Variants in XRN2 observed in about 807,000 individuals in gnomAD.
The protein encoded by XRN2 is DHM1-like protein.
In XRN2, 44 loss-of-function variants were observed where a neutral mutation model predicts 138.5. The ratio of observed to expected loss-of-function variants is 0.32; its 90% CI spans 0.25 to 0.41. XRN2 has a LOEUF of 0.41. XRN2 is among the 10% of genes least tolerant of loss of function. The pLI, the probability that XRN2 is intolerant of heterozygous loss-of-function variation, is 1.00. For missense variants in XRN2, 937 were observed against 1,169.3 expected, an observed-to-expected ratio of 0.80 and a Z score of 2.90; for synonymous variants, 354 against 369.4, an observed-to-expected ratio of 0.96 and a Z score of 0.48.
At chr20:21,346,700 A>T in intron 17 of XRN2, 150 bp downstream of exon 17, 1 of 922,080 alleles carries the variant, frequency 1.1e-6, no homozygotes, top group Non-Finnish European at 1.6e-6. Context: ...ACTCACTGCG[A>T]CCTCTGCCTC....
chr20:21,349,517 T>A, intron 20 of XRN2, 56 bp downstream of exon 20: 1 of 1,298,394 alleles, frequency 7.7e-7, no homozygotes, highest in Non-Finnish European at 1.1e-6. Flanking sequence ...ATTTTTGAAA[T>A]GAAATAATTC....
intron 14 of XRN2, among the ~76,000 whole-genome samples, chr20:21,339,765 G>C (rs2038347503): frequency 6.6e-6 from 1 of 152,124 alleles, no homozygotes; most frequent in African/African-American, 2.4e-5. Flanking sequence ...TGCTTCCTAT[G>C]TCTGATACAT....
At position 21,339,074 on chromosome 20, in the gene XRN2, A is replaced by G; in HGVS notation, c.1264A>G (p.Arg422Gly). Reference sequence around the variant, plus strand: ...TTTTAGAAGACGACAGAAAGAAAAAAGAAAGAGAATGAAGGTGAGTTTTAA... The same window carrying G: ...TTTTAGAAGACGACAGAAAGAAAAAGGAAAGAGAATGAAGGTGAGTTTTAA... ...DSFRRRQKEK[R>G]KRMKRDQPAF... is the part of the protein sequence containing the mutation. Residue 422 changes from arginine (R) to glycine (G), a missense_variant, in exon 14 of 30, where the codon AGA becomes GGA. By Grantham distance (125) the Arg-to-Gly change is moderately radical. Coordinates refer to ENST00000377191, the MANE Select transcript of XRN2 (RefSeq NM_012255.5). 1 of 1,605,918 alleles carries G rather than the reference A, an allele frequency of 6.2e-7. No homozygotes were observed. Among genetic ancestry groups the G allele is most frequent in the South Asian group, 1.1e-5 (1 of 89,714 alleles).
chr20:21,386,889 G>A lies in XRN2; in HGVS notation c.2670G>A (p.Leu890=), dbSNP rs1431855133. ...ACAGAGGCGTTGGGGCTGAACCTCT[G>A]CTCCCATGGAACCGGATGCTGCAAA... is the stretch of plus-strand genomic sequence containing the variant. ...RFDRGVGAEP[L]LPWNRMLQTQ... is the part of the protein sequence containing the mutation. The change falls in exon 29 of 30, where the codon CTG becomes CTA. Residue 890 remains leucine (L), a synonymous_variant. Coordinates refer to ENST00000377191, the MANE Select transcript of XRN2 (RefSeq NM_012255.5). The A allele has an allele frequency of 6.2e-7, 1 of 1,613,726 alleles. No homozygotes were observed.
At chr20:21,332,146 T>C (rs958645346) in intron 8 of XRN2, 137 bp from the exon 9 acceptor site, 1 of 1,045,422 alleles carries the variant, frequency 9.6e-7, no homozygotes, top group African/African-American at 1.6e-5. Flanking sequence ...TGCCAGGAAG[T>C]GTCAAGCTTT....
intron 16 of XRN2, 82 bp downstream of exon 16, chr20:21,344,290 G>T: frequency 9.9e-7 from 1 of 1,013,690 alleles, no homozygotes; most frequent in African/African-American, 1.6e-5. Context: ...GCTTAGAGCA[G>T]CAGTGCCTTC....
At chr20:21,373,140 G>A (rs2038781522) in intron 27 of XRN2, among the ~76,000 whole-genome samples, 1 of 152,084 alleles carries the variant, frequency 6.6e-6, no homozygotes. Flanking sequence ...CTCCTGTGTA[G>A]CTGGGATTAC....
intron 27 of XRN2, among the ~76,000 whole-genome samples, chr20:21,375,829 T>A (rs750534579): frequency 2.1e-4 from 28 of 135,904 alleles, no homozygotes; most frequent in East Asian, 6.4e-4. Flanking sequence ...TTTATTTATT[T>A]TTTATTTATT....
chr20:21,305,166 G>T (rs553011508), intron 1 of XRN2, among the ~76,000 whole-genome samples: 1 of 152,158 alleles, frequency 6.6e-6, no homozygotes, highest in South Asian at 2.1e-4. Flanking sequence ...CTGTAGGCTT[G>T]CTGGAAAGCT....
At chr20:21,332,022 C>A (rs2038217220) in intron 8 of XRN2, among the ~76,000 whole-genome samples, 1 of 152,246 alleles carries the variant, frequency 6.6e-6, no homozygotes, top group Non-Finnish European at 1.5e-5. Context: ...TTACATTTTT[C>A]AACCTTTTAA....
intron 26 of XRN2, among the ~76,000 whole-genome samples, chr20:21,367,716 T>C (rs2038719227): frequency 6.6e-6 from 1 of 152,202 alleles, no homozygotes; most frequent in African/African-American, 2.4e-5. Flanking sequence ...TTAGTTGTTA[T>C]TGTCATTGTT....
chr20:21,357,069 A>G (rs953239397), intron 23 of XRN2, among the ~76,000 whole-genome samples: 4 of 152,206 alleles, frequency 2.6e-5, no homozygotes, highest in African/African-American at 9.6e-5. Flanking sequence ...AAAGTATACA[A>G]CAATGACATC....
intron 24 of XRN2, among the ~76,000 whole-genome samples, chr20:21,364,155 T>G (rs2038668397): frequency 2.0e-5 from 3 of 152,132 alleles, no homozygotes; most frequent in Non-Finnish European, 4.4e-5. Flanking sequence ...ATGGTCTCGA[T>G]CTCCTGACCT....
At chr20:21,364,663 C>T (rs748406626) in intron 24 of XRN2, among the ~76,000 whole-genome samples, 6 of 151,862 alleles carry the variant, frequency 4.0e-5, no homozygotes, top group Admixed American at 6.6e-5. Context: ...AAAAATTAGC[C>T]GGGCATGGTG....
At position 21,344,086 on chromosome 20, in the gene XRN2, G is replaced by T; in HGVS notation, c.1411-4G>T. 1 of 1,595,478 alleles carries T rather than the reference G, an allele frequency of 6.3e-7. No homozygotes were observed. Among genetic ancestry groups the T allele is most frequent in the South Asian group, 1.1e-5 (1 of 90,410 alleles). ...TTCTTCTGTAATGTCATCATTGTCT[G>T]CAGAGTCCTTCGATATCTCCTAATA... On this transcript the variant is annotated splice_region_variant and splice_polypyrimidine_tract_variant and intron_variant, in intron 15 of 29. Coordinates refer to ENST00000377191, the MANE Select transcript of XRN2 (RefSeq NM_012255.5).
At chr20:21,338,751 G>A (rs2038333375) in intron 13 of XRN2, among the ~76,000 whole-genome samples, 1 of 151,994 alleles carries the variant, frequency 6.6e-6, no homozygotes, top group Non-Finnish European at 1.5e-5. Context: ...GTTTGCTCCA[G>A]GATAAAACCA....
intron 1 of XRN2, among the ~76,000 whole-genome samples, chr20:21,316,624 A>G (rs1026972394): frequency 6.6e-6 from 1 of 152,152 alleles, no homozygotes; most frequent in Non-Finnish European, 1.5e-5. Flanking sequence ...TCTGGACTCA[A>G]TTCCATTCCA....
intron 27 of XRN2, among the ~76,000 whole-genome samples, chr20:21,381,653 G>T (rs1342015415): frequency 6.6e-6 from 1 of 151,838 alleles, no homozygotes; most frequent in African/African-American, 2.4e-5. Context: ...CTTTTCCACA[G>T]CATTTAAAAT....
chr20:21,318,517 A>AT (rs528888293), intron 1 of XRN2, among the ~76,000 whole-genome samples: 30 of 149,268 alleles, frequency 2.0e-4, no homozygotes, highest in African/African-American at 5.2e-4. Flanking sequence ...TTGATTTGAG[A>AT]TTTTTTTTTT....
Sources: allele counts gnomAD v4.1 joint callset (sites outside exome capture counted in the v4.1 genomes callset), GRCh38; gene constraint gnomAD v4.1.1; transcripts MANE v1.5; gene names NCBI Gene and HGNC (gene_info 2026-07-23, HGNC 2026-07-21).